Variants in POLE observed in about 807,000 individuals in gnomAD.
The protein encoded by POLE is DNA polymerase epsilon, catalytic subunit.
Under a neutral mutation model 279.2 loss-of-function variants are expected in POLE, and 188 were observed. The ratio of observed to expected loss-of-function variants is 0.67; its 90% CI spans 0.60 to 0.76. The LOEUF is 0.76. Ranked by LOEUF, POLE falls within the 30% of genes least tolerant of loss-of-function variation. The pLI, the probability that POLE is intolerant of heterozygous loss-of-function variation, is 0.00. For missense variants in POLE, 2,703 were observed against 3,016.7 expected, an observed-to-expected ratio of 0.90 and a Z score of 2.44; for synonymous variants, 1,214 against 1,172.5, an observed-to-expected ratio of 1.04 and a Z score of -0.72.
In POLE at chr12:132,668,605, C is replaced by T. The variant is rs201260418; in HGVS notation, c.2026+30G>A. On this transcript the variant is annotated intron_variant, in intron 18 of 48. Coordinates refer to ENST00000320574, the MANE Select transcript of POLE (RefSeq NM_006231.4). This position sits in a 1 kb window ranked among gnomAD's most constrained non-coding sequence, Gnocchi z 4.0. ...CGACACTCACCCACCCGTTTCCCAC[C>T]GAGTGCCCACCCAGGCGGCCGACAC... The T allele has an allele frequency of 8.5e-5, 136 of 1,596,996 alleles. No individual in the cohort carries two copies. The highest frequency in any genetic ancestry group is 7.2e-4 in the East Asian group (32 of 44,416).
chr12:132,661,233 T>A lies in POLE; in HGVS notation c.2865-69A>T, dbSNP rs573961390. 3.6e-4 allele frequency: 493 copies of A among 1,384,378 alleles called. 7 individuals carry two copies. In the East Asian group the frequency reaches 0.011, roughly 31 times the overall value. The allele number at this position is 1,384,378 out of a possible 1,614,324, so 85.8% of individuals were successfully genotyped here. A position where few individuals can be genotyped will look rare whatever the true frequency, so the allele number is the denominator to read the frequency against. ...CTGGGGAGCCACCAGCTGTGCCTCA[T>A]CCTCTCTGCCCGCCTCTTCCCTTTC... On this transcript the variant is annotated intron_variant, in intron 24 of 48. Transcript: ENST00000320574. The surrounding 1 kb of genome is among the most constrained non-coding windows in gnomAD (Gnocchi z 4.1).
chr12:132,643,596 G>A (rs2138554587), intron 33 of POLE, 36 bp from the exon 34 acceptor site: 1 of 1,612,518 alleles, frequency 6.2e-7, no homozygotes, highest in Non-Finnish European at 8.5e-7. Flanking sequence ...GCAAGGGCTG[G>A]ATGGTGGGGG....
In POLE at chr12:132,661,618, A is replaced by G. The variant is rs141552148; in HGVS notation, c.2773T>C (p.Ser925Pro). 299 of 1,614,016 alleles carry G rather than the reference A, an allele frequency of 1.9e-4. No homozygotes were observed. The highest frequency in any genetic ancestry group is 2.4e-4 in the Non-Finnish European group (287 of 1,180,040). ...EPSSLTYVTR[S>P]ENSIFFEVDG... ...ACCTCAAAAAAGATGCTGTTCTCTG[A>G]GCGGGTGACGTAGGTGAGTGAGGAC... The change falls in exon 24 of 49, where the codon TCA (serine) becomes CCA (proline). Residue 925 changes from serine (S) to proline (P), a missense_variant. Ser to Pro is a moderately conservative substitution (Grantham distance 74). This residue lies in a region of POLE where 101 missense variants were observed against 115.4 expected (regional missense o/e 0.87). Coordinates refer to ENST00000320574, the MANE Select transcript of POLE (RefSeq NM_006231.4). This position sits in a 1 kb window ranked among gnomAD's most constrained non-coding sequence, Gnocchi z 4.1.
Position 132,668,387 on chromosome 12 carries a change from T to C in POLE, c.2142A>G (p.Glu714=), listed in dbSNP as rs2135974814. 6.2e-7 allele frequency: 1 copy of C among 1,601,058 alleles called. No homozygotes were observed. Among genetic ancestry groups the C allele is most frequent in the Non-Finnish European group, 8.5e-7 (1 of 1,173,020 alleles). Residue 714 remains glutamate (E), a synonymous_variant, in exon 19 of 49, where the codon GAA becomes GAG. Coordinates refer to ENST00000320574, the MANE Select transcript of POLE (RefSeq NM_006231.4). This position sits in a 1 kb window ranked among gnomAD's most constrained non-coding sequence, Gnocchi z 4.0. The stretch of plus-strand genomic sequence containing the variant: ...GCCTTCTCTTCTCGTATTTCGCCTG[T>C]TCCTCGCGGGACAGTTCATGAAAGG... ...ARAFHELSRE[E]QAKYEKRRLA... is the part of the protein sequence containing the mutation.
At chr12:132,685,704 C>T (rs1392171749) in intron 1 of POLE, among the ~76,000 whole-genome samples, 1 of 152,170 alleles carries the variant, frequency 6.6e-6, no homozygotes, top group East Asian at 1.9e-4. Flanking sequence ...CTCCAAGTTC[C>T]AACACACCAT....
chr12:132,685,946 G>C (rs1028765098), intron 1 of POLE, among the ~76,000 whole-genome samples: 1 of 152,042 alleles, frequency 6.6e-6, no homozygotes, highest in African/African-American at 2.4e-5. Flanking sequence ...CGCGATCTCG[G>C]TTCACCGCAA....
intron 29 of POLE, among the ~76,000 whole-genome samples, 200 bp downstream of exon 29, chr12:132,656,936 G>T (rs1373974065): frequency 8.5e-5 from 13 of 152,206 alleles, no homozygotes. Context: ...CCTCACCTCA[G>T]CCTCACAATG....
At chr12:132,631,116 C>T (rs367646182) in intron 45 of POLE, among the ~76,000 whole-genome samples, 11 of 152,156 alleles carry the variant, frequency 7.2e-5, no homozygotes, top group Non-Finnish European at 5.9e-5. Flanking sequence ...GGACACTGCT[C>T]GCAACAGAAA....
Position 132,677,628 on chromosome 12 carries a change from A to T in POLE, c.670T>A (p.Tyr224Asn), listed in dbSNP as rs2136020591. 2.5e-6 allele frequency: 4 copies of T among 1,614,134 alleles called. No individual in the cohort carries two copies. The highest frequency in any genetic ancestry group is 3.4e-6 in the Non-Finnish European group (4 of 1,180,034). ...AGGCGGATGTGGTAGGGAACATCGT[A>T]CTCGCGCATGTCCACAATGTTGTCC... ...QLDNIVDMRE[Y>N]DVPYHIRLSI... The change falls in exon 7 of 49, where the codon TAC becomes AAC. Residue 224 changes from tyrosine (Y) to asparagine (N), a missense_variant. Around this residue, in one of 5 missense-constraint regions of POLE, gnomAD observed 1,011 missense variants for 1,111.7 expected, o/e 0.91. Transcript: ENST00000320574.
At position 132,639,690 on chromosome 12, in the gene POLE, G is replaced by A. The variant is rs2042102834; in HGVS notation, c.5379-392C>T. ...CACTAGGCCGGATGCAGAGGCTCAC[G>A]CCTGTAATCCCACCACTTTGGGAGG... On this transcript the variant is annotated intron_variant, in intron 39 of 48. Transcript: ENST00000320574. This position sits in a 1 kb window ranked among gnomAD's most constrained non-coding sequence, Gnocchi z 4.7. 6.6e-6 allele frequency among the ~76,000 whole-genome samples: 1 copy of A among 152,178 alleles called. No individual in the cohort carries two copies. Among genetic ancestry groups the A allele is most frequent in the African/African-American group, 2.4e-5 (1 of 41,432 alleles).
chr12:132,681,300 C>T (rs2043162977), intron 1 of POLE, 21 bp from the exon 2 acceptor site: 2 of 1,606,070 alleles, frequency 1.2e-6, no homozygotes, highest in East Asian at 2.2e-5. Flanking sequence ...GAAGGGAACC[C>T]CGTGCTTAAT....
chr12:132,650,630 A>G (rs2042401578), intron 29 of POLE: 1 of 152,168 alleles, frequency 6.6e-6, no homozygotes. Context: ...AAAAGTGAAA[A>G]GATCAAACCG....
At chr12:132,631,154 G>C (rs1292204724) in intron 45 of POLE, among the ~76,000 whole-genome samples, 1 of 152,184 alleles carries the variant, frequency 6.6e-6, no homozygotes, top group African/African-American at 2.4e-5. Context: ...CGAGCGCGTG[G>C]ATGAACCAAT....
intron 6 of POLE, among the ~76,000 whole-genome samples, chr12:132,678,976 T>C: frequency 1.3e-5 from 2 of 152,218 alleles, no homozygotes; most frequent in East Asian, 3.8e-4. Context: ...TGATCCTCTT[T>C]TGTCAGAGGG....
At chr12:132,636,519 G>A (rs1473405285) in intron 41 of POLE, among the ~76,000 whole-genome samples, 1 of 151,114 alleles carries the variant, frequency 6.6e-6, no homozygotes, top group Non-Finnish European at 1.5e-5. Context: ...ACTTTGGGAG[G>A]CTGAGGCAGG....
chr12:132,676,627 A>G lies in POLE; in HGVS notation c.828T>C (p.Ile276=), dbSNP rs878854897. The G allele has an allele frequency of 6.2e-6, 10 of 1,613,472 alleles. No individual in the cohort carries two copies. In the Admixed American group the frequency reaches 1.2e-4, roughly 19 times the overall value. Residue 276 remains isoleucine (I), a synonymous_variant, in exon 9 of 49, where the codon ATT becomes ATC. Coordinates refer to ENST00000320574, the MANE Select transcript of POLE (RefSeq NM_006231.4). ...RPDPVVLAFD[I]ETTKLPLKFP... is the part of the protein sequence containing the mutation. ...ACTTGAGGGGCAGTTTGGTCGTCTC[A>G]ATGTCAAATGCCAAAACCACAGGGT...
chr12:132,673,661 T>A lies in POLE; in HGVS notation c.1273A>T (p.Lys425Ter), dbSNP rs2136000216. 1 of 1,612,068 alleles carries A rather than the reference T, an allele frequency of 6.2e-7. No homozygotes were observed. The highest frequency in any genetic ancestry group is 8.5e-7 in the Non-Finnish European group (1 of 1,178,250). ...CCTAGCTTGGCCTTGGCGGCCGCCT[T>A]GAGATTATGACTGCCCACAGGAAGG... ...SYLPVGSHNLKAAAKAKLGYD... is the reference protein window; with the variant it reads ...SYLPVGSHNL Residue 425 changes from lysine to a stop codon, truncating the protein, a stop_gained, in exon 13 of 49, where the codon AAG (lysine) becomes TAG (stop). Transcript: ENST00000320574. LOFTEE classifies it high-confidence loss of function.
intron 48 of POLE, 24 bp downstream of exon 48, chr12:132,624,881 C>G: frequency 6.2e-7 from 1 of 1,609,302 alleles, no homozygotes; most frequent in Non-Finnish European, 8.5e-7. Context: ...CAGGCTGAGC[C>G]GAGGCAGATG....
intron 16 of POLE, 59 bp downstream of exon 16, chr12:132,672,156 G>A: frequency 2.6e-6 from 3 of 1,147,974 alleles, no homozygotes; most frequent in Non-Finnish European, 2.6e-6. Context: ...GCTGAAAGAC[G>A]TGGTCTGTGA....
Sources: gnomAD v4.1 joint callset for allele counts (sites outside exome capture counted in the v4.1 genomes callset) on GRCh38, gnomAD v4.1.1 for gene constraint, gnomAD v4.1.1 regional missense constraint, Gnocchi (gnomAD v3.1) non-coding constraint, MANE v1.5 for transcripts, NCBI Gene and HGNC (gene_info 2026-07-23, HGNC 2026-07-21) for gene names.